RARB: variants seen among roughly 807,000 people sequenced by gnomAD.
RARB encodes HBV-activated protein.
In RARB, 17 loss-of-function variants were observed where a neutral mutation model predicts 51.9. The observed-to-expected ratio is 0.33, with a 90% CI of 0.22 to 0.49. The LOEUF (loss-of-function observed/expected upper bound fraction) is 0.49. Ranked by LOEUF, RARB falls within the 20% of genes least tolerant of loss-of-function variation. RARB has a pLI of 0.99. For missense variants in RARB, 369 were observed against 550.8 expected, an observed-to-expected ratio of 0.67 and a Z score of 3.30; for synonymous variants, 215 against 195.4, an observed-to-expected ratio of 1.10 and a Z score of -0.84.
At chr3:25,105,936 G>C (rs1418194467) in intron 3 of RARB, among the ~76,000 whole-genome samples, 3 of 152,084 alleles carry the variant, frequency 2.0e-5, no homozygotes. Flanking sequence ...CAACCTCCAG[G>C]CCCATTGCAC....
chr3:25,377,732 A>T (rs1219935537), intron 5 of RARB, among the ~76,000 whole-genome samples: 1 of 152,140 alleles, frequency 6.6e-6, no homozygotes, highest in East Asian at 1.9e-4. Flanking sequence ...AATTCAAGCA[A>T]AGTTTGAGTT....
chr3:25,312,747 T>C (rs1222875722), intron 5 of RARB, among the ~76,000 whole-genome samples: 2 of 152,198 alleles, frequency 1.3e-5, no homozygotes, highest in African/African-American at 4.8e-5. Context: ...AACCTCTGTT[T>C]TACAATCTGC....
intron 4 of RARB, among the ~76,000 whole-genome samples, chr3:25,143,310 G>C (rs1036609168): frequency 6.6e-6 from 1 of 152,182 alleles, no homozygotes; most frequent in African/African-American, 2.4e-5. Context: ...GAGTTGCTGA[G>C]GCACTGTAAG....
chr3:25,495,301 G>A (rs929271952), intron 2 of RARB, among the ~76,000 whole-genome samples: 2 of 152,164 alleles, frequency 1.3e-5, no homozygotes, highest in African/African-American at 4.8e-5. Context: ...GAGGGAGGGA[G>A]ATGAACCACT....
chr3:25,067,470 T>C (rs1280819936), intron 3 of RARB, among the ~76,000 whole-genome samples: 1 of 152,122 alleles, frequency 6.6e-6, no homozygotes, highest in African/African-American at 2.4e-5. Flanking sequence ...CAGACTGGAG[T>C]GGATGTAGAG....
chr3:25,110,285 C>T (rs904233510), intron 3 of RARB, among the ~76,000 whole-genome samples: 8 of 152,076 alleles, frequency 5.3e-5, no homozygotes, highest in Admixed American at 2.0e-4. Flanking sequence ...TAATGTAAAA[C>T]GAACATGTTT....
intron 2 of RARB, among the ~76,000 whole-genome samples, chr3:25,470,868 C>A (rs1284307368): frequency 3.9e-5 from 6 of 152,094 alleles, no homozygotes; most frequent in Admixed American, 6.6e-5. Flanking sequence ...GCTATAAACT[C>A]CAGGAGGGCT....
chr3:25,212,610 C>G (rs1046912024), intron 5 of RARB, among the ~76,000 whole-genome samples: 4 of 152,160 alleles, frequency 2.6e-5, no homozygotes, highest in Admixed American at 6.5e-5. Flanking sequence ...GAGCTAGACT[C>G]TGTCTCAAAA....
chr3:25,180,954 T>C (rs1485511604), intron 5 of RARB, among the ~76,000 whole-genome samples: 3 of 152,168 alleles, frequency 2.0e-5, no homozygotes, highest in African/African-American at 7.2e-5. Context: ...TTGCTACATA[T>C]ATTACCTCTG....
chr3:25,265,042 C>A (rs57967352), intron 5 of RARB, among the ~76,000 whole-genome samples: 9,171 of 152,190 alleles, frequency 0.06, 333 homozygotes, highest in African/African-American at 0.1. Flanking sequence ...ACAGGAAATG[C>A]GCCCTTCTCA....
At chr3:25,000,143 A>G (rs909409799) in intron 2 of RARB, among the ~76,000 whole-genome samples, 2 of 152,090 alleles carry the variant, frequency 1.3e-5, no homozygotes, top group African/African-American at 4.8e-5. Context: ...TGACCAGTCA[A>G]ACGACAGGTG....
At chr3:25,244,936 G>A (rs1041002869) in intron 5 of RARB, among the ~76,000 whole-genome samples, 4 of 152,164 alleles carry the variant, frequency 2.6e-5, no homozygotes, top group Non-Finnish European at 4.4e-5. Context: ...TTGTGTGGGA[G>A]TCAAAGTCTC....
intron 2 of RARB, among the ~76,000 whole-genome samples, chr3:24,930,102 T>C (rs1695407567): frequency 6.6e-6 from 1 of 152,078 alleles, no homozygotes; most frequent in Non-Finnish European, 1.5e-5. Context: ...CGGGATTTTT[T>C]TATTGGTCAT....
intron 5 of RARB, among the ~76,000 whole-genome samples, chr3:25,214,316 T>C (rs1021615152): frequency 6.6e-6 from 1 of 152,120 alleles, no homozygotes; most frequent in South Asian, 2.1e-4. Context: ...ATGAGCTGCA[T>C]TGGAGGACTT....
chr3:25,288,376 G>A (rs150752695), intron 5 of RARB, among the ~76,000 whole-genome samples: 143 of 152,220 alleles, frequency 9.4e-4, no homozygotes, highest in African/African-American at 3.3e-3. Context: ...CCCTAGTCAC[G>A]CTAGACTGTA....
intron 5 of RARB, among the ~76,000 whole-genome samples, chr3:25,208,808 C>G (rs905547193): frequency 6.6e-6 from 1 of 152,120 alleles, no homozygotes; most frequent in African/African-American, 2.4e-5. Context: ...TTGTAACTCA[C>G]CAGGGGAAGG....
At chr3:24,989,984 A>G (rs181953909) in intron 2 of RARB, among the ~76,000 whole-genome samples, 2,088 of 95,824 alleles carry the variant, frequency 0.022, 631 homozygotes, top group East Asian at 0.19. Flanking sequence ...TATTTTTAGT[A>G]GAGACGGGGT....
intron 2 of RARB, among the ~76,000 whole-genome samples, chr3:24,897,937 A>G (rs555072671): frequency 6.6e-6 from 1 of 152,332 alleles, no homozygotes; most frequent in Admixed American, 6.5e-5. Context: ...TTATTTTCCC[A>G]GAAGCATCTC....
At chr3:24,910,615 C>T (rs1427746079) in intron 2 of RARB, among the ~76,000 whole-genome samples, 1 of 152,184 alleles carries the variant, frequency 6.6e-6, no homozygotes, top group Non-Finnish European at 1.5e-5. Context: ...AACAGTCTAA[C>T]TTGGGTGCTC....
Sources: allele counts gnomAD v4.1 joint callset (sites outside exome capture counted in the v4.1 genomes callset), GRCh38; gene constraint gnomAD v4.1.1; transcripts MANE v1.5; gene names NCBI Gene and HGNC (gene_info 2026-07-23, HGNC 2026-07-21).